Variants in BMPR1B observed in about 807,000 individuals in gnomAD.
BMPR1B encodes bone morphogenetic protein receptor type-1B.
A neutral mutation model predicts 59.1 loss-of-function variants in BMPR1B; 12 were observed. That is an observed-to-expected ratio of 0.20 (90% CI 0.13 to 0.33). The LOEUF is 0.33. Ranked by LOEUF, BMPR1B falls within the 10% of genes least tolerant of loss-of-function variation. BMPR1B has a pLI of 1.00. For missense variants in BMPR1B, 550 were observed against 610.9 expected (o/e 0.90, Z 1.05); for synonymous variants, 237 against 207.3 (o/e 1.14, Z -1.23).
intron 1 of BMPR1B, among the ~76,000 whole-genome samples, chr4:94,801,096 T>C (rs996552830): frequency 3.9e-5 from 6 of 152,190 alleles, no homozygotes; most frequent in African/African-American, 1.2e-4. Flanking sequence ...TGCCGTGGAA[T>C]TGAAAATTGT....
chr4:94,831,771 C>T (rs1724601199), intron 1 of BMPR1B, among the ~76,000 whole-genome samples: 1 of 152,204 alleles, frequency 6.6e-6, no homozygotes, highest in Non-Finnish European at 1.5e-5. Flanking sequence ...TAAGCTTCAC[C>T]TGTATTTATA....
intron 2 of BMPR1B, among the ~76,000 whole-genome samples, chr4:94,916,603 C>T (rs186796327): frequency 6.6e-6 from 1 of 152,278 alleles, no homozygotes; most frequent in Non-Finnish European, 1.5e-5. Flanking sequence ...CACTCAGATG[C>T]AGGAGCAAAG....
intron 1 of BMPR1B, among the ~76,000 whole-genome samples, chr4:94,837,161 G>A (rs1450849671): frequency 1.4e-5 from 2 of 146,354 alleles, no homozygotes; most frequent in African/African-American, 5.1e-5. Context: ...GGTTACTGTA[G>A]CCTTGTAGTA....
At chr4:94,956,389 A>T (rs1730142947) in intron 2 of BMPR1B, among the ~76,000 whole-genome samples, 1 of 152,142 alleles carries the variant, frequency 6.6e-6, no homozygotes, top group East Asian at 1.9e-4. Flanking sequence ...CCCCATAAAG[A>T]CATAATATAA....
At chr4:94,894,117 T>G (rs1727496790) in intron 2 of BMPR1B, among the ~76,000 whole-genome samples, 1 of 152,072 alleles carries the variant, frequency 6.6e-6, no homozygotes. Flanking sequence ...GGAAGGATAG[T>G]GAAATGAAAT....
intron 3 of BMPR1B, among the ~76,000 whole-genome samples, chr4:95,059,040 T>C (rs1031005267): frequency 6.6e-6 from 1 of 152,208 alleles, no homozygotes; most frequent in African/African-American, 2.4e-5. Flanking sequence ...TGACATGCTG[T>C]ATTTATCCAT....
intron 3 of BMPR1B, among the ~76,000 whole-genome samples, chr4:95,045,472 G>A (rs541583375): frequency 6.6e-6 from 1 of 152,190 alleles, no homozygotes; most frequent in African/African-American, 2.4e-5. Context: ...TAATTCCCCT[G>A]CTCTCTAGGC....
intron 2 of BMPR1B, among the ~76,000 whole-genome samples, chr4:94,950,053 T>C (rs1341852169): frequency 6.6e-6 from 1 of 152,180 alleles, no homozygotes; most frequent in Non-Finnish European, 1.5e-5. Flanking sequence ...GATGATGAGC[T>C]TTTTTTCATG....
intron 3 of BMPR1B, among the ~76,000 whole-genome samples, chr4:95,048,955 G>T (rs1726236319): frequency 1.3e-5 from 2 of 152,114 alleles, no homozygotes; most frequent in South Asian, 4.1e-4. Flanking sequence ...GAAATTAACA[G>T]GGATACGTCT....
intron 3 of BMPR1B, among the ~76,000 whole-genome samples, chr4:95,050,234 G>A (rs1327821625): frequency 1.3e-5 from 2 of 152,026 alleles, no homozygotes; most frequent in Non-Finnish European, 2.9e-5. Flanking sequence ...TAACTAAAAG[G>A]GATATGGATA....
chr4:94,786,529 TTTTATTTATTTA>T (rs909132505), intron 1 of BMPR1B, among the ~76,000 whole-genome samples: 3 of 151,980 alleles, frequency 2.0e-5, no homozygotes, highest in Non-Finnish European at 4.4e-5. Flanking sequence ...CTTAGCTAAT[TTTTATTTATTTA>T]TTTATTTATT....
At chr4:94,941,293 A>C (rs79603166) in intron 2 of BMPR1B, among the ~76,000 whole-genome samples, 1 of 151,684 alleles carries the variant, frequency 6.6e-6, no homozygotes, top group East Asian at 1.9e-4. Flanking sequence ...TTAGTGGGGC[A>C]TGGTGGTGCA....
chr4:95,040,693 G>A (rs960573131), intron 3 of BMPR1B, among the ~76,000 whole-genome samples: 3 of 152,194 alleles, frequency 2.0e-5, no homozygotes, highest in African/African-American at 7.2e-5. Context: ...AGGAGTCGAA[G>A]TGTGAATAAT....
At chr4:95,129,124 C>T (rs575859238) in intron 8 of BMPR1B, among the ~76,000 whole-genome samples, 22 of 152,152 alleles carry the variant, frequency 1.4e-4, no homozygotes, top group Admixed American at 3.9e-4. Context: ...GCCATAGTCA[C>T]GGCATGAAAA....
chr4:95,105,479 T>C (rs1449734049), intron 4 of BMPR1B, among the ~76,000 whole-genome samples: 1 of 152,014 alleles, frequency 6.6e-6, no homozygotes, highest in African/African-American at 2.4e-5. Context: ...TGAATGCTTT[T>C]TTTTTTTCCT....
intron 1 of BMPR1B, among the ~76,000 whole-genome samples, chr4:94,849,727 A>G (rs927340833): frequency 6.6e-6 from 1 of 151,858 alleles, no homozygotes; most frequent in African/African-American, 2.4e-5. Context: ...CAGAGAGTGC[A>G]TCTGGCCACA....
At chr4:94,888,119 A>G (rs1374784310) in intron 2 of BMPR1B, among the ~76,000 whole-genome samples, 1 of 152,106 alleles carries the variant, frequency 6.6e-6, no homozygotes, top group Non-Finnish European at 1.5e-5. Context: ...AGTGAAATAA[A>G]GTGGCAATCA....
At chr4:94,881,818 TG>T (rs1473657501) in intron 2 of BMPR1B, among the ~76,000 whole-genome samples, 2 of 152,158 alleles carry the variant, frequency 1.3e-5, no homozygotes, top group African/African-American at 4.8e-5. Flanking sequence ...ATAAGGCTAT[TG>T]GTTTCACCTC....
chr4:95,060,445 GTC>G (rs1314148357), intron 3 of BMPR1B, among the ~76,000 whole-genome samples: 1 of 152,160 alleles, frequency 6.6e-6, no homozygotes, highest in African/African-American at 2.4e-5. Flanking sequence ...TAAAACAGTT[GTC>G]CTAGCACTAC....
Sources: gnomAD v4.1 joint callset for allele counts (sites outside exome capture counted in the v4.1 genomes callset) on GRCh38, gnomAD v4.1.1 for gene constraint, MANE v1.5 for transcripts, NCBI Gene and HGNC (gene_info 2026-07-23, HGNC 2026-07-21) for gene names.